SAMD4A: variants seen among roughly 807,000 people sequenced by gnomAD.
SAMD4A encodes the protein protein Smaug homolog 1.
A neutral mutation model predicts 81.3 loss-of-function variants in SAMD4A; 33 were observed. The ratio of observed to expected loss-of-function variants is 0.41; its 90% CI spans 0.31 to 0.54. The LOEUF (loss-of-function observed/expected upper bound fraction) is 0.54. Ranked by LOEUF, SAMD4A falls within the 20% of genes least tolerant of loss-of-function variation. The pLI, the probability that SAMD4A is intolerant of heterozygous loss-of-function variation, is 0.37. For synonymous variants in SAMD4A, 389 were observed against 382.1 expected (o/e 1.02, Z -0.21); for missense variants, 854 against 951.1 (o/e 0.90, Z 1.34).
intron 2 of SAMD4A, among the ~76,000 whole-genome samples, chr14:54,572,574 G>C (rs536784478): frequency 1.2e-4 from 19 of 152,312 alleles, no homozygotes. Context: ...TGCAGGAGAA[G>C]GAAGGATGGA....
At chr14:54,779,971 G>T (rs963758248) in intron 11 of SAMD4A, among the ~76,000 whole-genome samples, 2 of 152,156 alleles carry the variant, frequency 1.3e-5, no homozygotes, top group African/African-American at 4.8e-5. Context: ...TGCTTGGAGA[G>T]GGATCCTTTA....
chr14:54,605,125 C>T (rs1307577391), intron 2 of SAMD4A, among the ~76,000 whole-genome samples: 1 of 152,076 alleles, frequency 6.6e-6, no homozygotes, highest in Non-Finnish European at 1.5e-5. Context: ...TAGTGTTGTT[C>T]GTGATGTTAA....
intron 2 of SAMD4A, among the ~76,000 whole-genome samples, chr14:54,607,253 C>CGT (rs1435273674): frequency 2.6e-4 from 17 of 65,058 alleles, no homozygotes; most frequent in Non-Finnish European, 4.5e-4. Context: ...TGAAGTTCCT[C>CGT]ATGTGAGATC....
intron 2 of SAMD4A, among the ~76,000 whole-genome samples, chr14:54,594,143 A>C (rs200314571): frequency 6.6e-6 from 1 of 152,210 alleles, no homozygotes; most frequent in Non-Finnish European, 1.5e-5. Context: ...AGAAAGTAAA[A>C]GTCTTCCATA....
At chr14:54,708,489 G>C (rs1382790884) in intron 3 of SAMD4A, among the ~76,000 whole-genome samples, 1 of 152,148 alleles carries the variant, frequency 6.6e-6, no homozygotes, top group Non-Finnish European at 1.5e-5. Context: ...GCACATGGGT[G>C]GTATTTAATG....
chr14:54,712,644 T>C (rs985800576), intron 3 of SAMD4A, among the ~76,000 whole-genome samples: 69 of 152,230 alleles, frequency 4.5e-4, no homozygotes, highest in Admixed American at 1.3e-4. Context: ...TTCCAAGGCT[T>C]GGGGAGGAAT....
At chr14:54,636,594 C>T (rs1594758819) in intron 2 of SAMD4A, among the ~76,000 whole-genome samples, 1 of 152,190 alleles carries the variant, frequency 6.6e-6, no homozygotes, top group African/African-American at 2.4e-5. Context: ...ATGATGGCGG[C>T]TCACACTTGG....
At chr14:54,713,204 C>A (rs1384360446) in intron 3 of SAMD4A, among the ~76,000 whole-genome samples, 1 of 151,898 alleles carries the variant, frequency 6.6e-6, no homozygotes, top group Non-Finnish European at 1.5e-5. Context: ...TCTTTAATTT[C>A]AAAAAATTAA....
At chr14:54,598,210 G>C (rs374251733) in intron 2 of SAMD4A, among the ~76,000 whole-genome samples, 1 of 152,158 alleles carries the variant, frequency 6.6e-6, no homozygotes, top group Admixed American at 6.5e-5. Flanking sequence ...CACAGTCAGC[G>C]TTCAAACTTA....
intron 3 of SAMD4A, chr14:54,702,840 A>C: frequency 4.7e-6 from 2 of 426,810 alleles, no homozygotes; most frequent in East Asian, 3.6e-5. Flanking sequence ...TAGACAATAA[A>C]TGAAAGAAGG....
intron 4 of SAMD4A, among the ~76,000 whole-genome samples, chr14:54,746,970 A>G (rs1354881147): frequency 1.3e-5 from 2 of 152,266 alleles, no homozygotes; most frequent in Non-Finnish European, 2.9e-5. Context: ...TTCAGCAGAA[A>G]TAAAAGCATG....
At chr14:54,585,102 C>A (rs996925613) in intron 2 of SAMD4A, among the ~76,000 whole-genome samples, 2 of 152,102 alleles carry the variant, frequency 1.3e-5, no homozygotes, top group Non-Finnish European at 2.9e-5. Context: ...TGGTATGTAT[C>A]TCTACATATA....
At chr14:54,678,814 C>A (rs2036061880) in intron 2 of SAMD4A, among the ~76,000 whole-genome samples, 1 of 152,160 alleles carries the variant, frequency 6.6e-6, no homozygotes, top group African/African-American at 2.4e-5. Flanking sequence ...TCCCAAAGTG[C>A]TGGGATTACA....
chr14:54,568,690 C>CTTATAT (rs1491428603), intron 2 of SAMD4A, among the ~76,000 whole-genome samples: 1 of 31,876 alleles, frequency 3.1e-5, no homozygotes, highest in African/African-American at 1.3e-4. Flanking sequence ...ACATTTGCAG[C>CTTATAT]ATATATATAT....
At chr14:54,669,533 A>G (rs984580379) in intron 2 of SAMD4A, among the ~76,000 whole-genome samples, 1 of 137,572 alleles carries the variant, frequency 7.3e-6, no homozygotes, top group African/African-American at 2.8e-5. Context: ...ATCATCGCTC[A>G]CTGCAGCCCT....
intron 2 of SAMD4A, among the ~76,000 whole-genome samples, chr14:54,596,881 C>T (rs993609358): frequency 1.3e-5 from 2 of 152,076 alleles, no homozygotes; most frequent in South Asian, 2.1e-4. Flanking sequence ...AATATCCAGC[C>T]GGGAGAGAAA....
chr14:54,678,648 A>G (rs183732284), intron 2 of SAMD4A, among the ~76,000 whole-genome samples: 52 of 146,272 alleles, frequency 3.6e-4, no homozygotes, highest in Middle Eastern at 3.4e-3. Flanking sequence ...TCCCGGGTTC[A>G]CGCCATTCTC....
chr14:54,764,656 A>G, intron 8 of SAMD4A, 116 bp downstream of exon 8: 1 of 669,824 alleles, frequency 1.5e-6, no homozygotes, highest in Non-Finnish European at 2.6e-6. Context: ...AGTGGTGGAC[A>G]GTTATTAATA....
intron 3 of SAMD4A, among the ~76,000 whole-genome samples, chr14:54,713,569 C>G (rs901631473): frequency 1.2e-4 from 19 of 152,174 alleles, no homozygotes; most frequent in Non-Finnish European, 2.4e-4. Flanking sequence ...CAGACAAATT[C>G]CATGGCTAGA....
Sources: allele counts gnomAD v4.1 joint callset (sites outside exome capture counted in the v4.1 genomes callset), GRCh38; gene constraint gnomAD v4.1.1; transcripts MANE v1.5; gene names NCBI Gene and HGNC (gene_info 2026-07-23, HGNC 2026-07-21).